Variants in PDE4D observed in about 807,000 individuals in gnomAD.
PDE4D encodes the protein phosphodiesterase 4D.
Under a neutral mutation model 87.4 loss-of-function variants are expected in PDE4D, and 24 were observed. The ratio of observed to expected loss-of-function variants is 0.27; its 90% CI spans 0.20 to 0.39. The LOEUF (loss-of-function observed/expected upper bound fraction) is 0.39, where lower values mean the gene tolerates loss of function less well. PDE4D is among the 10% of genes least tolerant of loss of function. The probability of loss-of-function intolerance (pLI) is 1.00; values close to 1 mark genes in which losing one functional copy is unlikely to be tolerated. For missense variants in PDE4D, 714 were observed against 1,041.0 expected (o/e 0.69, Z 4.32); for synonymous variants, 384 against 383.2 (o/e 1.00, Z -0.02).
At chr5:59,930,060 G>T (rs553076904) in intron 3 of PDE4D, among the ~76,000 whole-genome samples, 1 of 151,258 alleles carries the variant, frequency 6.6e-6, no homozygotes, top group Non-Finnish European at 1.5e-5. Context: ...TACTCGGGAG[G>T]CTGAGGCAGG....
At chr5:59,202,800 A>G (rs1453744894) in intron 2 of PDE4D, among the ~76,000 whole-genome samples, 1 of 152,140 alleles carries the variant, frequency 6.6e-6, no homozygotes. Flanking sequence ...CATGATTGTG[A>G]GGCCTCCCCA....
intron 1 of PDE4D, among the ~76,000 whole-genome samples, chr5:59,250,399 G>A (rs1367367932): frequency 4.0e-5 from 6 of 151,076 alleles, no homozygotes; most frequent in Non-Finnish European, 3.0e-5. Flanking sequence ...AGGTTGAGGT[G>A]GGAGTATCGC....
chr5:59,830,564 T>C (rs1477343098), intron 1 of PDE4D, among the ~76,000 whole-genome samples: 2 of 152,116 alleles, frequency 1.3e-5, no homozygotes, highest in African/African-American at 4.8e-5. Context: ...GATATCTTTG[T>C]TATTGTCATC....
chr5:59,711,227 G>C (rs1284933515), intron 1 of PDE4D, among the ~76,000 whole-genome samples: 2 of 152,054 alleles, frequency 1.3e-5, no homozygotes, highest in Non-Finnish European at 2.9e-5. Flanking sequence ...TCTGCAAGCT[G>C]ACATATCACA....
chr5:60,111,427 A>T (rs1777673897), intron 2 of PDE4D, among the ~76,000 whole-genome samples: 1 of 152,008 alleles, frequency 6.6e-6, no homozygotes, highest in Non-Finnish European at 1.5e-5. Flanking sequence ...ATTCACCCAG[A>T]AAACAAAAGT....
At chr5:59,472,992 G>T (rs1342428810) in intron 1 of PDE4D, among the ~76,000 whole-genome samples, 1 of 148,550 alleles carries the variant, frequency 6.7e-6, no homozygotes, top group African/African-American at 2.5e-5. Flanking sequence ...GTTTAATCTA[G>T]CAATAAGAGC....
Position 59,936,798 on chromosome 5 carries a change from A to G in PDE4D, c.272+51690T>C, listed in dbSNP as rs568843693. On this transcript the variant is annotated intron_variant, in intron 3 of 16. Coordinates refer to the PDE4D transcript ENST00000502484. ...CATCATGATAGGGAGAAAGACACTCATGGCATATATTAAATAAAAGCAAAA... is the reference window on the plus strand; with the variant it reads ...CATCATGATAGGGAGAAAGACACTCGTGGCATATATTAAATAAAAGCAAAA... Among the ~76,000 whole-genome samples, 34 of 152,366 alleles carry G rather than the reference A, an allele frequency of 2.2e-4. No homozygotes were observed. The South Asian group carries it at 6.6e-3, about 30-fold the overall frequency.
At chr5:60,316,037 G>A (rs1755554168) in intron 1 of PDE4D, among the ~76,000 whole-genome samples, 1 of 152,164 alleles carries the variant, frequency 6.6e-6, no homozygotes, top group African/African-American at 2.4e-5. Flanking sequence ...GTCATTGGTA[G>A]CTTGATGGGG....
At chr5:59,312,082 G>A (rs764874499) in intron 1 of PDE4D, among the ~76,000 whole-genome samples, 14 of 152,046 alleles carry the variant, frequency 9.2e-5, no homozygotes, top group Non-Finnish European at 1.3e-4. Flanking sequence ...ACTTTACACC[G>A]GGCTCCTTAG....
chr5:59,558,220 T>C (rs1819312150), intron 1 of PDE4D, among the ~76,000 whole-genome samples: 4 of 152,140 alleles, frequency 2.6e-5, no homozygotes, highest in Admixed American at 2.6e-4. Context: ...GTCGAAGGGA[T>C]ATGAATATTA....
At chr5:60,106,684 G>A (rs557139749) in intron 2 of PDE4D, among the ~76,000 whole-genome samples, 4,203 of 151,452 alleles carry the variant, frequency 0.028, 184 homozygotes, top group African/African-American at 0.097. Context: ...CAATCAAACT[G>A]GAACTCAGGA....
At chr5:60,486,658 C>T (rs1749165681) in intron 1 of PDE4D, among the ~76,000 whole-genome samples, 1 of 152,106 alleles carries the variant, frequency 6.6e-6, no homozygotes. Context: ...TGTTTAGGTG[C>T]AATCAAAAAT....
intron 3 of PDE4D, among the ~76,000 whole-genome samples, chr5:59,948,926 GCTCA>G (rs2152803180): frequency 6.6e-6 from 1 of 152,292 alleles, no homozygotes; most frequent in South Asian, 2.1e-4. Flanking sequence ...TTTATTGAAT[GCTCA>G]CTATGTGTGC....
chr5:60,265,908 C>T (rs889503411), intron 1 of PDE4D, among the ~76,000 whole-genome samples: 1 of 152,114 alleles, frequency 6.6e-6, no homozygotes, highest in African/African-American at 2.4e-5. Context: ...AGACATAAAG[C>T]CCCATTTACA....
chr5:59,306,994 A>G (rs1473430116), intron 1 of PDE4D, among the ~76,000 whole-genome samples: 26 of 90,650 alleles, frequency 2.9e-4, no homozygotes, highest in African/African-American at 1.6e-3. Flanking sequence ...ACAGCATGGT[A>G]CTGGTACCAA....
chr5:59,216,354 T>A lies in PDE4D; in HGVS notation c.456-386A>T, dbSNP rs189790291. Among the ~76,000 whole-genome samples, 172 of 152,246 alleles carry A rather than the reference T, an allele frequency of 1.1e-3. 1 individual carries two copies. Among genetic ancestry groups the A allele is most frequent in the African/African-American group, 3.9e-3 (164 of 41,550 alleles). ...ATACCCATTTTGTGCCTAATGCTGT[T>A]CTCCCAAACCTGGGCTTCTCCCTCC... On this transcript the variant is annotated intron_variant, in intron 1 of 14. Transcript: ENST00000340635.
chr5:60,442,408 G>C (rs986498242), intron 1 of PDE4D, among the ~76,000 whole-genome samples: 1 of 152,010 alleles, frequency 6.6e-6, no homozygotes, highest in Non-Finnish European at 1.5e-5. Context: ...CATGGACACA[G>C]GGAGGGGACC....
At chr5:59,897,571 A>C (rs1751790042), upstream of PDE4D, among the ~76,000 whole-genome samples, 1 of 152,046 alleles carries the variant, frequency 6.6e-6, no homozygotes, top group Non-Finnish European at 1.5e-5. Flanking sequence ...CATTTACATT[A>C]GGTATTTCTC....
chr5:59,703,238 A>G (rs1248722368), intron 1 of PDE4D, among the ~76,000 whole-genome samples: 1 of 152,238 alleles, frequency 6.6e-6, no homozygotes. Flanking sequence ...CCTTATATAA[A>G]CTACAAAGAA....
Sources: allele counts gnomAD v4.1 joint callset (sites outside exome capture counted in the v4.1 genomes callset), GRCh38; gene constraint gnomAD v4.1.1; transcripts MANE v1.5; gene names NCBI Gene and HGNC (gene_info 2026-07-23, HGNC 2026-07-21).